SUPT7L: variants seen among roughly 807,000 people sequenced by gnomAD.
The protein encoded by SUPT7L is STAGA complex 65 subunit gamma.
Under a neutral mutation model 35.7 loss-of-function variants are expected in SUPT7L, and 15 were observed. The observed-to-expected ratio is 0.42, with a 90% CI of 0.28 to 0.65. The LOEUF (loss-of-function observed/expected upper bound fraction) is 0.65. SUPT7L is among the 30% of genes least tolerant of loss of function. The pLI, the probability that SUPT7L is intolerant of heterozygous loss-of-function variation, is 0.23. For synonymous variants in SUPT7L, 168 were observed against 186.2 expected (o/e 0.90, Z 0.79); for missense variants, 434 against 522.2 (o/e 0.83, Z 1.65).
Position 27,653,282 on chromosome 2 carries a change from G to C in SUPT7L, c.*203C>G. The C allele has an allele frequency of 1.5e-6, 1 of 646,362 alleles. No individual in the cohort carries two copies. The highest frequency in any genetic ancestry group is 2.9e-5 in the East Asian group (1 of 34,430). The allele number at this position is 646,362 out of a possible 1,614,324, so 40.0% of individuals were successfully genotyped here. ...CATCATATTTTATCTGTGAAGGGTG[G>C]CTTGGTTGTGGAAAACTATAAAAAC... On this transcript the variant is annotated 3_prime_UTR_variant, in exon 6 of 6. Transcript: ENST00000337768.
At chr2:27,644,379 C>T in the SUPT7L span, among the ~76,000 whole-genome samples, 1 of 152,048 alleles carries the variant, frequency 6.6e-6, no homozygotes, top group Non-Finnish European at 1.5e-5. Context: ...ATATTTTCTC[C>T]CTATCAGTTA....
chr2:27,657,233 C>G lies in SUPT7L; in HGVS notation c.744+112G>C. ...CCATCATAAAAGTATGTTAAGTTCA[C>G]TCTGTTCCAAGACTCTGTGCTCTGC... On this transcript the variant is annotated intron_variant, in intron 4 of 5. Coordinates refer to ENST00000337768, the MANE Select transcript of SUPT7L (RefSeq NM_014860.3). This position sits in a 1 kb window ranked among gnomAD's most constrained non-coding sequence, Gnocchi z 5.2. 8.4e-7 allele frequency: 1 copy of G among 1,193,986 alleles called. No individual in the cohort carries two copies. Among genetic ancestry groups the G allele is most frequent in the Non-Finnish European group, 1.2e-6 (1 of 861,720 alleles). The allele number at this position is 1,193,986 out of a possible 1,614,324, so 74.0% of individuals were successfully genotyped here.
intron 3 of SUPT7L, among the ~76,000 whole-genome samples, chr2:27,659,952 TAAA>T (rs1313318019): frequency 6.6e-6 from 1 of 152,030 alleles, no homozygotes; most frequent in East Asian, 1.9e-4. Context: ...AAAATGAAAA[TAAA>T]AAAGTAATTG....
At chr2:27,655,650 T>C in intron 4 of SUPT7L, 48 bp from the exon 5 acceptor site, 1 of 1,491,434 alleles carries the variant, frequency 6.7e-7, no homozygotes, top group Non-Finnish European at 9.0e-7. Flanking sequence ...TAAAAGCAAG[T>C]TGGATAGTCA....
Position 27,654,783 on chromosome 2 carries a change from T to G in SUPT7L, c.982+582A>C, listed in dbSNP as rs189639667. Among the ~76,000 whole-genome samples, 79 of 152,230 alleles carry G rather than the reference T, an allele frequency of 5.2e-4. No homozygotes were observed. The East Asian group carries it at 0.015, about 28-fold the overall frequency. ...GGATTTCACTGTGTTAGCCAGGATG[T>G]TCTCGATCTCCTGACCTCGTGATTC... On this transcript the variant is annotated intron_variant, in intron 5 of 5. Transcript: ENST00000337768.
chr2:27,653,585 T>C lies in SUPT7L; in HGVS notation c.1145A>G (p.Asp382Gly). The C allele has an allele frequency of 1.2e-6, 2 of 1,614,230 alleles. No individual in the cohort carries two copies. The highest frequency in any genetic ancestry group is 1.7e-6 in the Non-Finnish European group (2 of 1,180,034). Residue 382 changes from aspartate (D) to glycine (G), a missense_variant, in exon 6 of 6, where the codon GAT becomes GGT. Asp to Gly is a moderately conservative substitution (Grantham distance 94, BLOSUM62 -1). This residue lies in a region of SUPT7L where 159 missense variants were observed against 217.1 expected (regional missense o/e 0.73). Coordinates refer to ENST00000337768, the MANE Select transcript of SUPT7L (RefSeq NM_014860.3). Reference sequence around the variant, plus strand: ...GGAACCATAGCTGCTATCTGAGTCATCAGGGCTCTGAGGAATCCCAGCTTC... The same window carrying C: ...GGAACCATAGCTGCTATCTGAGTCACCAGGGCTCTGAGGAATCCCAGCTTC... ...MSEAGIPQSPDDSDSSYGSHS... is the reference protein window; with the variant it reads ...MSEAGIPQSPGDSDSSYGSHS...
intron 4 of SUPT7L, among the ~76,000 whole-genome samples, chr2:27,656,611 G>A (rs924087037): frequency 6.6e-6 from 1 of 151,174 alleles, no homozygotes; most frequent in Non-Finnish European, 1.5e-5. Context: ...GCTGAGGCAG[G>A]AGGATTGTCA....
chr2:27,647,516 A>T (rs994076319), downstream of SUPT7L, among the ~76,000 whole-genome samples: 2 of 152,172 alleles, frequency 1.3e-5, no homozygotes, highest in Non-Finnish European at 2.9e-5. Flanking sequence ...GTTAGCTTTC[A>T]TAGGAAAAAC....
At chr2:27,662,335 G>T in intron 1 of SUPT7L, 54 bp from the exon 2 acceptor site, 1 of 949,388 alleles carries the variant, frequency 1.1e-6, no homozygotes, top group Non-Finnish European at 1.7e-6. Flanking sequence ...AACATGGTAA[G>T]TACTGTTCTA....
Position 27,651,708 on chromosome 2 carries a change from A to T in SUPT7L, c.*1777T>A, listed in dbSNP as rs1179485269. On this transcript the variant is annotated 3_prime_UTR_variant, in exon 6 of 6. Transcript: ENST00000337768. The stretch of plus-strand genomic sequence containing the variant: ...AAAGGGTAAGGAAGAAGTCTTAATC[A>T]TTTTTGTATTCCTTGCACAGGACCT... 6.6e-6 allele frequency: 1 copy of T among 152,200 alleles called. No homozygotes were observed. Among genetic ancestry groups the T allele is most frequent in the Non-Finnish European group, 1.5e-5 (1 of 68,030 alleles). The allele number at this position is 152,200 out of a possible 1,614,324, so 9.4% of individuals were successfully genotyped here. A position where few individuals can be genotyped will look rare whatever the true frequency, so the allele number is the denominator to read the frequency against.
chr2:27,648,246 G>A (rs1674340108), downstream of SUPT7L, among the ~76,000 whole-genome samples: 1 of 152,194 alleles, frequency 6.6e-6, no homozygotes, highest in Non-Finnish European at 1.5e-5. Flanking sequence ...AGGGCTGGGT[G>A]TGGTGGCTCA....
the SUPT7L span, among the ~76,000 whole-genome samples, chr2:27,644,361 A>G: frequency 6.6e-6 from 1 of 152,068 alleles, no homozygotes; most frequent in Non-Finnish European, 1.5e-5. Context: ...ATATGTTGCA[A>G]ATGTTTAATA....
downstream of SUPT7L, chr2:27,648,068 A>C (rs1432804055): frequency 3.1e-6 from 2 of 640,440 alleles, no homozygotes; most frequent in Non-Finnish European, 5.7e-6. Flanking sequence ...GCACCAGAAA[A>C]GAGTTTCCTA....
Position 27,661,061 on chromosome 2 carries a change from G to A in SUPT7L, c.342C>T (p.Asp114=). 1.2e-6 allele frequency: 2 copies of A among 1,614,166 alleles called. No individual in the cohort carries two copies. The highest frequency in any genetic ancestry group is 1.1e-5 in the South Asian group (1 of 91,084). ...SCPGSPPLPD[D]LLPLDCKNPN... ...GATTCTTACAATCTAAAGGCAGGAGGTCATCAGGGAGAGGAGGTGACCCAG... is the reference window on the plus strand; with the variant it reads ...GATTCTTACAATCTAAAGGCAGGAGATCATCAGGGAGAGGAGGTGACCCAG... The change falls in exon 3 of 6, where the codon GAC becomes GAT. Residue 114 remains aspartate, a synonymous_variant. Transcript: ENST00000337768.
At chr2:27,659,115 G>A (rs542951628) in intron 3 of SUPT7L, among the ~76,000 whole-genome samples, 3 of 152,252 alleles carry the variant, frequency 2.0e-5, no homozygotes, top group African/African-American at 7.2e-5. Flanking sequence ...GATCACCACA[G>A]AGCAAGTTTT....
At chr2:27,663,088 G>C (rs1675200422) in intron 1 of SUPT7L, among the ~76,000 whole-genome samples, 2 of 150,960 alleles carry the variant, frequency 1.3e-5, no homozygotes, top group South Asian at 4.2e-4. Context: ...GGTCTGGCTG[G>C]CCTTTATTGT....
chr2:27,661,935 T>C (rs925188303), intron 2 of SUPT7L: 2 of 571,234 alleles, frequency 3.5e-6, no homozygotes, highest in East Asian at 3.2e-5. Flanking sequence ...GAAAAATTTA[T>C]GAACCATTAA....
At chr2:27,646,321 C>T (rs1020633499), downstream of SUPT7L, among the ~76,000 whole-genome samples, 1 of 152,150 alleles carries the variant, frequency 6.6e-6, no homozygotes, top group Non-Finnish European at 1.5e-5. Flanking sequence ...GGATTACAGG[C>T]ATGAGCCACC....
chr2:27,644,724 T>G, the SUPT7L span, among the ~76,000 whole-genome samples: 5 of 114,778 alleles, frequency 4.4e-5, no homozygotes, highest in African/African-American at 1.5e-4. Flanking sequence ...TTTGGTAGTG[T>G]TTTTTTTTTT....
Sources: gnomAD v4.1 joint callset for allele counts (sites outside exome capture counted in the v4.1 genomes callset) on GRCh38, gnomAD v4.1.1 for gene constraint, gnomAD v4.1.1 regional missense constraint, Gnocchi (gnomAD v3.1) non-coding constraint, MANE v1.5 for transcripts, NCBI Gene and HGNC (gene_info 2026-07-23, HGNC 2026-07-21) for gene names.